Variants in THSD7A observed in about 807,000 individuals in gnomAD.
THSD7A encodes thrombospondin type-1 domain-containing protein 7A.
THSD7A carries 96 observed loss-of-function variants against 231.3 expected under a neutral mutation model. That is an observed-to-expected ratio of 0.41 (90% CI 0.35 to 0.49). The LOEUF (loss-of-function observed/expected upper bound fraction) is 0.49. THSD7A is among the 20% of genes least tolerant of loss of function. The pLI is 0.05. For synonymous variants in THSD7A, 940 were observed against 743.3 expected, an observed-to-expected ratio of 1.26 and a Z score of -4.30; for missense variants, 2,290 against 2,070.2, an observed-to-expected ratio of 1.11 and a Z score of -2.06.
At chr7:11,461,943 C>T (rs1328026937) in intron 10 of THSD7A, 68 bp downstream of exon 10, 6 of 1,549,424 alleles carry the variant, frequency 3.9e-6, no homozygotes, top group South Asian at 1.2e-5. Flanking sequence ...TTTCCTTATC[C>T]TAGGAAAGGA....
intron 6 of THSD7A, among the ~76,000 whole-genome samples, chr7:11,537,035 C>T (rs1027812925): frequency 2.7e-5 from 4 of 150,700 alleles, no homozygotes; most frequent in Non-Finnish European, 5.9e-5. Context: ...GAGTCCTATT[C>T]TCCAGTGGTA....
At chr7:11,477,590 GTAT>G (rs1182787205) in intron 7 of THSD7A, among the ~76,000 whole-genome samples, 1 of 151,982 alleles carries the variant, frequency 6.6e-6, no homozygotes, top group Non-Finnish European at 1.5e-5. Context: ...TGGTCTGTTG[GTAT>G]TATTATTTTG....
At chr7:11,702,770 C>A (rs1780645461) in intron 1 of THSD7A, among the ~76,000 whole-genome samples, 1 of 151,130 alleles carries the variant, frequency 6.6e-6, no homozygotes, top group African/African-American at 2.4e-5. Context: ...GAGTACCTAT[C>A]TTTGTGAGTA....
intron 3 of THSD7A, among the ~76,000 whole-genome samples, chr7:11,591,156 A>ATTTT (rs59544271): frequency 0.018 from 2,537 of 142,710 alleles, 80 homozygotes; most frequent in African/African-American, 0.062. Flanking sequence ...CAAGAATAAG[A>ATTTT]TTTTTTTTTT....
chr7:11,641,282 C>G (rs1280386365), intron 1 of THSD7A, among the ~76,000 whole-genome samples: 2 of 152,000 alleles, frequency 1.3e-5, no homozygotes, highest in Non-Finnish European at 2.9e-5. Context: ...TTTGAACATG[C>G]CTTTTAATTT....
chr7:11,608,909 A>T (rs563957155), intron 2 of THSD7A, among the ~76,000 whole-genome samples: 1 of 152,258 alleles, frequency 6.6e-6, no homozygotes, highest in East Asian at 1.9e-4. Context: ...TTCACTGTCA[A>T]TTCTCCTGTA....
chr7:11,736,251 A>T (rs1266097103), intron 1 of THSD7A, among the ~76,000 whole-genome samples: 1 of 152,074 alleles, frequency 6.6e-6, no homozygotes, highest in Admixed American at 6.6e-5. Flanking sequence ...AAAATAAACT[A>T]GGTCCACATG....
intron 6 of THSD7A, among the ~76,000 whole-genome samples, chr7:11,501,908 A>C (rs1013199369): frequency 3.3e-5 from 5 of 152,054 alleles, no homozygotes; most frequent in African/African-American, 9.7e-5. Context: ...GAAGAGAGAA[A>C]AGCCAAATAA....
At chr7:11,471,957 T>C (rs1785957082) in intron 8 of THSD7A, among the ~76,000 whole-genome samples, 1 of 152,172 alleles carries the variant, frequency 6.6e-6, no homozygotes, top group African/African-American at 2.4e-5. Context: ...GCTCCTCAGA[T>C]ATTAGCCCTG....
intron 1 of THSD7A, among the ~76,000 whole-genome samples, chr7:11,785,570 G>A (rs1250510288): frequency 6.6e-6 from 1 of 151,992 alleles, no homozygotes; most frequent in East Asian, 1.9e-4. Context: ...TTTTTTGCCT[G>A]CTGTTAATCC....
chr7:11,446,408 A>G lies in THSD7A; in HGVS notation c.2801-84T>C, dbSNP rs1368525084. On this transcript the variant is annotated intron_variant, in intron 12 of 27. Coordinates refer to ENST00000423059, the MANE Select transcript of THSD7A (RefSeq NM_015204.3). This position sits in a 1 kb window ranked among gnomAD's most constrained non-coding sequence, Gnocchi z 4.0. ...CATCCCTAAATTTTCTGCTTTCCTA[A>G]TTTCTTTTTCTTCATTTTTAACCAT... 5 of 1,424,690 alleles carry G rather than the reference A, an allele frequency of 3.5e-6. No individual in the cohort carries two copies. Among genetic ancestry groups the G allele is most frequent in the Non-Finnish European group, 4.7e-6 (5 of 1,059,238 alleles). 88.3% of individuals were successfully genotyped at this position (1,424,690 alleles called of 1,614,324 possible). A position where few individuals can be genotyped will look rare whatever the true frequency, so the allele number is the denominator to read the frequency against.
chr7:11,418,913 TAAATC>T, intron 16 of THSD7A, among the ~76,000 whole-genome samples: 1 of 151,822 alleles, frequency 6.6e-6, no homozygotes, highest in East Asian at 1.9e-4. Flanking sequence ...TTGAAAAAAA[TAAATC>T]AAATTGTGAA....
intron 4 of THSD7A, among the ~76,000 whole-genome samples, chr7:11,585,099 T>A (rs145285935): frequency 2.6e-5 from 4 of 152,208 alleles, no homozygotes; most frequent in Non-Finnish European, 4.4e-5. Context: ...CCTCATGATA[T>A]GTTTCTTTGC....
In THSD7A at chr7:11,636,946, C is replaced by T. The variant is rs1279962290; in HGVS notation, c.206G>A (p.Cys69Tyr). 6.2e-7 allele frequency: 1 copy of T among 1,607,514 alleles called. No homozygotes were observed. Among genetic ancestry groups the T allele is most frequent in the Non-Finnish European group, 8.5e-7 (1 of 1,177,398 alleles). ...YLWKTGPWGR[C>Y]MGDECGPGGI... ...TCCGGGACCACATTCATCTCCCATA[C>T]ATCGGCCCCATGGACCTACAAAAAT... is the stretch of plus-strand genomic sequence containing the variant. The change falls in exon 2 of 28, where the codon TGT (cysteine) becomes TAT (tyrosine). Residue 69 changes from cysteine to tyrosine, a missense_variant. Cys to Tyr is a radical substitution (Grantham distance 194, BLOSUM62 -2). Coordinates refer to ENST00000423059, the MANE Select transcript of THSD7A (RefSeq NM_015204.3). This position sits in a 1 kb window ranked among gnomAD's most constrained non-coding sequence, Gnocchi z 10.0.
At chr7:11,466,990 A>G (rs1450413974) in intron 9 of THSD7A, among the ~76,000 whole-genome samples, 1 of 151,986 alleles carries the variant, frequency 6.6e-6, no homozygotes, top group Non-Finnish European at 1.5e-5. Flanking sequence ...CCACAGCACT[A>G]TCTACCCGCA....
chr7:11,538,808 C>T (rs973792138), intron 6 of THSD7A, among the ~76,000 whole-genome samples: 1 of 152,106 alleles, frequency 6.6e-6, no homozygotes, highest in Non-Finnish European at 1.5e-5. Flanking sequence ...GGGTCTCTTA[C>T]AACCCTCCCC....
intron 17 of THSD7A, among the ~76,000 whole-genome samples, chr7:11,415,191 A>G (rs940799801): frequency 3.3e-5 from 5 of 152,232 alleles, no homozygotes; most frequent in Non-Finnish European, 7.3e-5. Context: ...TTTTAAAAAA[A>G]TCTCAGGATC....
intron 1 of THSD7A, among the ~76,000 whole-genome samples, chr7:11,780,135 G>A (rs1315106887): frequency 4.6e-5 from 7 of 152,180 alleles, no homozygotes; most frequent in Non-Finnish European, 1.0e-4. Flanking sequence ...TCCTCACATG[G>A]CAGAGAACAG....
chr7:11,533,026 C>T (rs1788767649), intron 6 of THSD7A, among the ~76,000 whole-genome samples: 1 of 152,126 alleles, frequency 6.6e-6, no homozygotes, highest in Non-Finnish European at 1.5e-5. Flanking sequence ...GCATCTCCCA[C>T]AGCAGACTCA....
Sources: gnomAD v4.1 joint callset for allele counts (sites outside exome capture counted in the v4.1 genomes callset) on GRCh38, gnomAD v4.1.1 for gene constraint, Gnocchi (gnomAD v3.1) non-coding constraint, MANE v1.5 for transcripts, NCBI Gene and HGNC (gene_info 2026-07-23, HGNC 2026-07-21) for gene names.